ASPH: variants seen among roughly 807,000 people sequenced by gnomAD.
The protein encoded by ASPH is aspartate beta-hydroxylase, also known as aspartyl/asparaginyl beta-hydroxylase.
Under a neutral mutation model 118.4 loss-of-function variants are expected in ASPH, and 100 were observed. The observed-to-expected ratio is 0.84, with a 90% CI of 0.72 to 1.00. The LOEUF (loss-of-function observed/expected upper bound fraction) is 1.00, where lower values mean the gene tolerates loss of function less well. Ranked by LOEUF, ASPH falls within the 50% of genes least tolerant of loss-of-function variation. The probability of loss-of-function intolerance (pLI) is 0.00; values close to 1 mark genes in which losing one functional copy is unlikely to be tolerated. For missense variants in ASPH, 920 were observed against 919.5 expected (o/e 1.00, Z -0.01); for synonymous variants, 315 against 325.6 (o/e 0.97, Z 0.35).
intron 18 of ASPH, among the ~76,000 whole-genome samples, chr8:61,556,654 A>C (rs893103204): frequency 2.0e-5 from 3 of 152,266 alleles, no homozygotes; most frequent in Non-Finnish European, 4.4e-5. Flanking sequence ...ATTATGATTT[A>C]AAGATAAATT....
intron 19 of ASPH, among the ~76,000 whole-genome samples, chr8:61,554,852 C>CA (rs2131202555): frequency 6.6e-6 from 1 of 152,296 alleles, no homozygotes; most frequent in Non-Finnish European, 1.5e-5. Context: ...GCTGGGACCA[C>CA]AGGCATGTGC....
chr8:61,592,717 T>C (rs949876212), intron 14 of ASPH, among the ~76,000 whole-genome samples: 2 of 152,206 alleles, frequency 1.3e-5, no homozygotes, highest in African/African-American at 2.4e-5. Context: ...GCAACCTTAC[T>C]GCAATATTAT....
At chr8:61,588,016 A>C (rs1486659274) in intron 14 of ASPH, among the ~76,000 whole-genome samples, 1 of 152,198 alleles carries the variant, frequency 6.6e-6, no homozygotes, top group African/African-American at 2.4e-5. Context: ...CTTTGAACTC[A>C]AAAGTCCTGT....
chr8:61,606,266 A>G (rs1020027596), intron 14 of ASPH, among the ~76,000 whole-genome samples: 2 of 152,212 alleles, frequency 1.3e-5, no homozygotes, highest in African/African-American at 4.8e-5. Context: ...CTTCCACCCT[A>G]TGACTAGCTG....
intron 22 of ASPH, among the ~76,000 whole-genome samples, chr8:61,525,391 A>C (rs907499376): frequency 6.6e-6 from 1 of 151,736 alleles, no homozygotes; most frequent in African/African-American, 2.4e-5. Context: ...CTGGAGCTCC[A>C]TATGTGTGCC....
chr8:61,625,345 T>G (rs1353184266), intron 13 of ASPH: 36 of 985,712 alleles, frequency 3.7e-5, no homozygotes, highest in Non-Finnish European at 4.2e-5. Context: ...AAGGCGTTAC[T>G]GAGTTCATCT....
intron 1 of ASPH, among the ~76,000 whole-genome samples, chr8:61,686,578 C>A (rs780784458): frequency 5.3e-5 from 8 of 152,094 alleles, no homozygotes; most frequent in African/African-American, 1.2e-4. Context: ...CAAAAAAGAA[C>A]GCTTATTTCT....
intron 12 of ASPH, among the ~76,000 whole-genome samples, chr8:61,637,097 A>G (rs771742471): frequency 1.3e-5 from 2 of 152,176 alleles, no homozygotes; most frequent in Non-Finnish European, 2.9e-5. Context: ...CTGAAAGGTG[A>G]CAATTAGCTG....
chr8:61,668,164 C>G, intron 3 of ASPH: 3 of 1,441,476 alleles, frequency 2.1e-6, no homozygotes, highest in Non-Finnish European at 1.9e-6. Flanking sequence ...TTAACATTCC[C>G]AGAAAATGTC....
At chr8:61,594,670 G>A (rs1181769960) in intron 14 of ASPH, among the ~76,000 whole-genome samples, 1 of 152,106 alleles carries the variant, frequency 6.6e-6, no homozygotes, top group Non-Finnish European at 1.5e-5. Flanking sequence ...ACAGTATATT[G>A]TTATAATGTT....
At chr8:61,590,659 T>C (rs1345976562) in intron 14 of ASPH, among the ~76,000 whole-genome samples, 2 of 151,948 alleles carry the variant, frequency 1.3e-5, no homozygotes, top group Non-Finnish European at 2.9e-5. Context: ...CTTGAGCTCT[T>C]GCACAGTTGC....
At chr8:61,673,410 G>A (rs1417926121) in intron 3 of ASPH, among the ~76,000 whole-genome samples, 3 of 152,162 alleles carry the variant, frequency 2.0e-5, no homozygotes, top group East Asian at 1.9e-4. Flanking sequence ...GCCAAACTCC[G>A]GAGAACCCAG....
intron 13 of ASPH, among the ~76,000 whole-genome samples, chr8:61,621,351 G>T (rs1850875284): frequency 6.7e-6 from 1 of 148,910 alleles, no homozygotes; most frequent in South Asian, 2.1e-4. Context: ...GAAAAGAAAA[G>T]AAAAGAAAAT....
intron 1 of ASPH, among the ~76,000 whole-genome samples, chr8:61,696,036 C>T (rs1380488921): frequency 6.6e-6 from 1 of 152,180 alleles, no homozygotes; most frequent in Non-Finnish European, 1.5e-5. Flanking sequence ...TGATTTCAGA[C>T]TCAGATTCGT....
At chr8:61,533,874 T>C (rs1486356446) in intron 21 of ASPH, among the ~76,000 whole-genome samples, 2 of 152,230 alleles carry the variant, frequency 1.3e-5, no homozygotes, top group Non-Finnish European at 2.9e-5. Context: ...ATTTTATTCT[T>C]GTATTGTCAT....
At chr8:61,518,772 A>G (rs1156947170) in intron 22 of ASPH, among the ~76,000 whole-genome samples, 3 of 152,232 alleles carry the variant, frequency 2.0e-5, no homozygotes, top group Admixed American at 6.5e-5. Context: ...TCTACAGTAC[A>G]TATCAATCAA....
rs370988973 is a variant in ASPH at position 61,617,565 on chromosome 8, C to T, written c.976+1413G>A. Among the ~76,000 whole-genome samples the T allele has an allele frequency of 2.4e-4, 37 of 152,220 alleles. No homozygotes were observed. In the East Asian group the frequency reaches 6.2e-3, roughly 25 times the overall value. On this transcript the variant is annotated intron_variant, in intron 14 of 24. Coordinates refer to ENST00000379454, the MANE Select transcript of ASPH (RefSeq NM_004318.4). ...CGATCTATAAAACAGAGTCAGCCAA[C>T]GGTTTCTGATATTAAGGAGAAAACT...
intron 14 of ASPH, among the ~76,000 whole-genome samples, chr8:61,595,358 A>G (rs907657010): frequency 6.6e-6 from 1 of 152,230 alleles, no homozygotes; most frequent in Admixed American, 6.5e-5. Flanking sequence ...CCCAATAGAG[A>G]AAATACATGT....
At chr8:61,531,920 GTTTT>G (rs1817722685) in intron 21 of ASPH, among the ~76,000 whole-genome samples, 1 of 152,052 alleles carries the variant, frequency 6.6e-6, no homozygotes, top group East Asian at 1.9e-4. Context: ...ATATACTAAA[GTTTT>G]TCTTCATTTG....
Sources: allele counts gnomAD v4.1 joint callset (sites outside exome capture counted in the v4.1 genomes callset), GRCh38; gene constraint gnomAD v4.1.1; transcripts MANE v1.5; gene names NCBI Gene and HGNC (gene_info 2026-07-23, HGNC 2026-07-21).